The following UNC79 variants were observed in gnomAD, a reference collection of about 807,000 sequenced individuals.
The protein encoded by UNC79 is protein unc-79 homolog.
A neutral mutation model predicts 283.1 loss-of-function variants in UNC79; 37 were observed. That is an observed-to-expected ratio of 0.13 (90% CI 0.10 to 0.17). The LOEUF is 0.17. Among genes scored for constraint, UNC79 ranks in the 10% least tolerant of loss-of-function variants. UNC79 has a pLI of 1.00. For synonymous variants in UNC79, 1,107 were observed against 1,200.2 expected (o/e 0.92, Z 1.61); for missense variants, 2,272 against 3,211.1 (o/e 0.71, Z 7.07).
intron 1 of UNC79, among the ~76,000 whole-genome samples, chr14:93,463,352 G>T (rs1222247891): frequency 6.6e-6 from 1 of 152,114 alleles, no homozygotes; most frequent in Non-Finnish European, 1.5e-5. Context: ...AGTGGAAGGA[G>T]GAATAGAAAG....
At chr14:93,465,924 C>T (rs1246942330) in intron 1 of UNC79, among the ~76,000 whole-genome samples, 1 of 152,088 alleles carries the variant, frequency 6.6e-6, no homozygotes, top group East Asian at 1.9e-4. Flanking sequence ...ATATTTGGAA[C>T]TTGGAACTAT....
At chr14:93,520,800 A>G (rs967947727) in intron 7 of UNC79, among the ~76,000 whole-genome samples, 1 of 151,988 alleles carries the variant, frequency 6.6e-6, no homozygotes, top group East Asian at 1.9e-4. Context: ...CATTATGCCT[A>G]TCTTCATGCT....
intron 7 of UNC79, among the ~76,000 whole-genome samples, chr14:93,497,499 G>C (rs1047158770): frequency 1.3e-5 from 2 of 152,202 alleles, no homozygotes; most frequent in Admixed American, 1.3e-4. Context: ...ATTGCCTTAA[G>C]TCTCAGTCCC....
chr14:93,612,988 C>G, exon 27 of UNC79: 1 of 1,614,188 alleles, frequency 6.2e-7, no homozygotes. Context: ...GTACGTCTTA[C>G]TCGGCTATGA....
At chr14:93,533,591 A>C (rs2060928595) in intron 11 of UNC79, among the ~76,000 whole-genome samples, 1 of 152,150 alleles carries the variant, frequency 6.6e-6, no homozygotes, top group South Asian at 2.1e-4. Flanking sequence ...ATGATGTCTC[A>C]TCGTCCAGGG....
At chr14:93,379,622 G>T (rs977812494) in intron 1 of UNC79, among the ~76,000 whole-genome samples, 18 of 150,484 alleles carry the variant, frequency 1.2e-4, no homozygotes, top group Non-Finnish European at 2.4e-4. Context: ...AATTGTTGTG[G>T]CTGCTTGGGA....
At position 93,539,541 on chromosome 14, in the gene UNC79, T is replaced by A. The variant is rs537522064; in HGVS notation, c.1353-1119T>A. 1.8e-3 allele frequency among the ~76,000 whole-genome samples: 270 copies of A among 151,924 alleles called. 2 individuals are homozygous for A. The highest frequency in any genetic ancestry group is 6.0e-3 in the African/African-American group (251 of 41,500). ...GTCTCAAAAAAATAAATTAAAAAAA[T>A]AATAATAATATTAGAATCTAAGTGT... On this transcript the variant is annotated intron_variant, in intron 12 of 48. Transcript: ENST00000555664.
At chr14:93,375,331 G>A (rs1398187307) in intron 1 of UNC79, among the ~76,000 whole-genome samples, 1 of 152,186 alleles carries the variant, frequency 6.6e-6, no homozygotes, top group Non-Finnish European at 1.5e-5. Flanking sequence ...GCAGTGAGCT[G>A]TGATTGCACT....
At chr14:93,495,365 T>A (rs2140576012) in intron 5 of UNC79, among the ~76,000 whole-genome samples, 1 of 152,228 alleles carries the variant, frequency 6.6e-6, no homozygotes, top group Non-Finnish European at 1.5e-5. Flanking sequence ...AACCATCAGA[T>A]CTCGGGAGAA....
At chr14:93,595,482 A>G (rs974916314) in intron 23 of UNC79, among the ~76,000 whole-genome samples, 21 of 152,264 alleles carry the variant, frequency 1.4e-4, no homozygotes, top group African/African-American at 5.1e-4. Context: ...TGCCATTCAG[A>G]TGGTCTGACT....
chr14:93,388,937 C>T (rs371741864), intron 1 of UNC79, among the ~76,000 whole-genome samples: 7 of 152,210 alleles, frequency 4.6e-5, no homozygotes, highest in African/African-American at 1.7e-4. Context: ...TAAGATTCAC[C>T]AGCTAATAGT....
At chr14:93,609,151 A>G (rs1004318764) in intron 26 of UNC79, among the ~76,000 whole-genome samples, 2 of 152,206 alleles carry the variant, frequency 1.3e-5, no homozygotes, top group Non-Finnish European at 2.9e-5. Flanking sequence ...GCTGAGAGGA[A>G]TATTGGGTAT....
intron 1 of UNC79, among the ~76,000 whole-genome samples, chr14:93,440,997 G>T (rs2056281201): frequency 6.6e-6 from 1 of 151,876 alleles, no homozygotes; most frequent in South Asian, 2.1e-4. Context: ...TTAATTTTTA[G>T]TCCACTTGAT....
At chr14:93,418,401 C>T (rs1385797644) in intron 1 of UNC79, among the ~76,000 whole-genome samples, 19 of 151,522 alleles carry the variant, frequency 1.3e-4, no homozygotes, top group South Asian at 2.1e-4. Flanking sequence ...GAGGAGTACC[C>T]GGCCATGTGA....
Position 93,496,536 on chromosome 14 carries a change from G to A in UNC79, c.768+70G>A, listed in dbSNP as rs552448368. On this transcript the variant is annotated intron_variant, in intron 6 of 48. Coordinates refer to ENST00000555664, the Ensembl canonical transcript of UNC79. ...GTATAATACAGTAAAAACTGTTTAC[G>A]TATTAAAACTGTTGTTTAGGTCAAA... 50 of 1,102,000 alleles carry A rather than the reference G, an allele frequency of 4.5e-5. No homozygotes were observed. In the Middle Eastern group the frequency reaches 6.8e-4, roughly 15 times the overall value. The allele number at this position is 1,102,000 out of a possible 1,614,324, so 68.3% of individuals were successfully genotyped here.
chr14:93,342,558 C>T (rs1413878140), intron 1 of UNC79, among the ~76,000 whole-genome samples: 1 of 152,154 alleles, frequency 6.6e-6, no homozygotes, highest in Non-Finnish European at 1.5e-5. Flanking sequence ...CCTCTCTTTA[C>T]TTATGCAAAT....
At chr14:93,612,985 T>C (rs760555980) in exon 27 of UNC79, 1 of 1,614,174 alleles carries the variant, frequency 6.2e-7, no homozygotes, top group Non-Finnish European at 8.5e-7. Context: ...CCTGTACGTC[T>C]TACTCGGCTA....
At position 93,454,594 on chromosome 14, in the gene UNC79, G is replaced by A. The variant is rs560413683; in HGVS notation, c.23-13077G>A. 1.2e-3 allele frequency among the ~76,000 whole-genome samples: 180 copies of A among 152,144 alleles called. 1 individual carries two copies. The highest frequency in any genetic ancestry group is 1.9e-3 in the Non-Finnish European group (126 of 68,000). ...AACCTCTCTCAGCCTCAGTTTTTTCGTTGGTAATGTGGAAATAATAGCAAT... is the reference window on the plus strand; with the variant it reads ...AACCTCTCTCAGCCTCAGTTTTTTCATTGGTAATGTGGAAATAATAGCAAT... On this transcript the variant is annotated intron_variant, in intron 1 of 48. Transcript: ENST00000555664.
chr14:93,517,587 A>G (rs79005268), intron 7 of UNC79, among the ~76,000 whole-genome samples: 2,640 of 151,770 alleles, frequency 0.017, 38 homozygotes, highest in South Asian at 0.072. Context: ...TGAGATGATT[A>G]TATGATTTCT....
Sources: allele counts gnomAD v4.1 joint callset (sites outside exome capture counted in the v4.1 genomes callset), GRCh38; gene constraint gnomAD v4.1.1; transcripts MANE v1.5; gene names NCBI Gene and HGNC (gene_info 2026-07-23, HGNC 2026-07-21).